RABGAP1L: variants seen among roughly 807,000 people sequenced by gnomAD.
The protein encoded by RABGAP1L is RAB GTPase activating protein 1 like.
RABGAP1L carries 63 observed loss-of-function variants against 137.7 expected under a neutral mutation model. The observed-to-expected ratio is 0.46, with a 90% CI of 0.37 to 0.56. RABGAP1L has a LOEUF of 0.56. Among genes scored for constraint, RABGAP1L ranks in the 20% least tolerant of loss-of-function variants. The pLI is 0.00. For missense variants in RABGAP1L, 1,095 were observed against 1,244.0 expected (o/e 0.88, Z 1.80); for synonymous variants, 431 against 433.7 (o/e 0.99, Z 0.08).
intron 19 of RABGAP1L, among the ~76,000 whole-genome samples, chr1:174,910,650 C>T (rs1400021692): frequency 2.0e-5 from 3 of 152,156 alleles, no homozygotes; most frequent in African/African-American, 7.2e-5. Flanking sequence ...TGATCTTACT[C>T]ATAGAAAAAC....
chr1:174,535,495 A>G (rs1366379891), intron 13 of RABGAP1L, among the ~76,000 whole-genome samples: 1 of 152,198 alleles, frequency 6.6e-6, no homozygotes, highest in African/African-American at 2.4e-5. Context: ...GTTACTATTA[A>G]GAGAGGATCC....
chr1:174,232,579 C>A (rs539741014), intron 4 of RABGAP1L, among the ~76,000 whole-genome samples: 1 of 151,576 alleles, frequency 6.6e-6, no homozygotes, highest in Admixed American at 6.6e-5. Flanking sequence ...GTCAGGAGAT[C>A]GAGACCATCC....
intron 17 of RABGAP1L, among the ~76,000 whole-genome samples, chr1:174,717,426 A>G (rs1185259357): frequency 1.3e-5 from 2 of 152,200 alleles, no homozygotes; most frequent in Non-Finnish European, 2.9e-5. Context: ...AAACAAATGT[A>G]TGACTGTAAA....
Position 174,183,042 on chromosome 1 carries a change from C to G in RABGAP1L, c.-34+23385C>G, listed in dbSNP as rs144665270. On this transcript the variant is annotated intron_variant, in intron 1 of 25. Coordinates refer to ENST00000681986, the MANE Select transcript of RABGAP1L (RefSeq NM_001366446.1). ...TTTCATAACAGCATGCATAATAACACTGAGTTATAATAGTTCCCTTATTAT... is the reference window on the plus strand; with the variant it reads ...TTTCATAACAGCATGCATAATAACAGTGAGTTATAATAGTTCCCTTATTAT... Among the ~76,000 whole-genome samples, 431 of 152,300 alleles carry G rather than the reference C, an allele frequency of 2.8e-3. 5 individuals carry two copies. The highest frequency in any genetic ancestry group is 9.9e-3 in the African/African-American group (413 of 41,566).
intron 1 of RABGAP1L, among the ~76,000 whole-genome samples, chr1:174,215,961 C>G (rs1375278686): frequency 6.6e-6 from 1 of 152,106 alleles, no homozygotes; most frequent in African/African-American, 2.4e-5. Flanking sequence ...ACTATTCAGC[C>G]ATAAAGAAGA....
intron 13 of RABGAP1L, among the ~76,000 whole-genome samples, chr1:174,400,840 A>C (rs537586341): frequency 2.0e-4 from 30 of 152,268 alleles, no homozygotes; most frequent in African/African-American, 7.2e-4. Context: ...ATAGACAGTA[A>C]TATTGAACAT....
chr1:174,540,977 T>A (rs1028318306), intron 13 of RABGAP1L, among the ~76,000 whole-genome samples: 1 of 152,186 alleles, frequency 6.6e-6, no homozygotes, highest in African/African-American at 2.4e-5. Flanking sequence ...TATTGAGCAG[T>A]GGTTTGTAGT....
intron 13 of RABGAP1L, among the ~76,000 whole-genome samples, chr1:174,445,493 G>A (rs546417430): frequency 6.6e-6 from 1 of 152,140 alleles, no homozygotes; most frequent in South Asian, 2.1e-4. Flanking sequence ...GCTCTGAATA[G>A]ATTTTGGTAC....
chr1:174,965,129 G>A (rs1218124919), intron 20 of RABGAP1L: 54 of 594,622 alleles, frequency 9.1e-5, no homozygotes, highest in Non-Finnish European at 2.9e-6. Flanking sequence ...TATGAGGACA[G>A]TTGTTATCTG....
intron 19 of RABGAP1L, among the ~76,000 whole-genome samples, chr1:174,813,430 C>G (rs1690076823): frequency 6.6e-6 from 1 of 152,166 alleles, no homozygotes; most frequent in South Asian, 2.1e-4. Flanking sequence ...AAGCATATTA[C>G]TTAAAAGGTA....
At chr1:174,466,773 C>T (rs999365042) in intron 13 of RABGAP1L, among the ~76,000 whole-genome samples, 2 of 152,232 alleles carry the variant, frequency 1.3e-5, no homozygotes, top group East Asian at 1.9e-4. Flanking sequence ...GGCGAGAGAG[C>T]GAGACTTTAT....
intron 7 of RABGAP1L, among the ~76,000 whole-genome samples, chr1:174,262,630 G>A (rs2148633187): frequency 6.6e-6 from 1 of 152,268 alleles, no homozygotes; most frequent in South Asian, 2.1e-4. Context: ...AGCTCTTTTT[G>A]AATCCTTTTA....
At chr1:174,450,929 T>C (rs946735504) in intron 13 of RABGAP1L, among the ~76,000 whole-genome samples, 1 of 152,190 alleles carries the variant, frequency 6.6e-6, no homozygotes. Context: ...CAAAGGTCTT[T>C]TAGTAGAAAT....
At chr1:174,614,933 T>C (rs1460444218) in intron 13 of RABGAP1L, among the ~76,000 whole-genome samples, 1 of 152,236 alleles carries the variant, frequency 6.6e-6, no homozygotes, top group Non-Finnish European at 1.5e-5. Context: ...CTCCATCAGC[T>C]CCTTTAAGCA....
At chr1:174,536,398 T>C (rs1344093952) in intron 13 of RABGAP1L, among the ~76,000 whole-genome samples, 1 of 151,658 alleles carries the variant, frequency 6.6e-6, no homozygotes, top group Non-Finnish European at 1.5e-5. Flanking sequence ...GGTTGGGAGA[T>C]TGAGAGAGGG....
chr1:174,321,084 A>G (rs1571205949), intron 11 of RABGAP1L, among the ~76,000 whole-genome samples: 1 of 152,108 alleles, frequency 6.6e-6, no homozygotes, highest in African/African-American at 2.4e-5. Context: ...CTGCTCTAGG[A>G]ATGTCTGAAT....
chr1:174,743,154 C>G (rs1231217430), intron 17 of RABGAP1L, among the ~76,000 whole-genome samples: 1 of 152,120 alleles, frequency 6.6e-6, no homozygotes, highest in Non-Finnish European at 1.5e-5. Flanking sequence ...TCAAATCCAT[C>G]TCCCTGACAA....
intron 19 of RABGAP1L, among the ~76,000 whole-genome samples, chr1:174,869,920 A>G (rs1326616912): frequency 6.6e-6 from 1 of 152,054 alleles, no homozygotes; most frequent in Non-Finnish European, 1.5e-5. Flanking sequence ...CATCTTCCAC[A>G]CTCCAGAAAT....
rs545269040 is a variant in RABGAP1L, at chr1:174,316,911, C to T, written c.1465+11784C>T. On this transcript the variant is annotated intron_variant, in intron 11 of 25. Transcript: ENST00000681986. ...ACTTTCCAAAGGCAGAGGAACCTCACCCCATAACTACCACCCACCCAGGCT... is the reference window on the plus strand; with the variant it reads ...ACTTTCCAAAGGCAGAGGAACCTCATCCCATAACTACCACCCACCCAGGCT... 3.3e-5 allele frequency among the ~76,000 whole-genome samples: 5 copies of T among 152,250 alleles called. No individual in the cohort carries two copies. The East Asian group carries it at 9.7e-4, about 29-fold the overall frequency.
Sources: gnomAD v4.1 joint callset for allele counts (sites outside exome capture counted in the v4.1 genomes callset) on GRCh38, gnomAD v4.1.1 for gene constraint, MANE v1.5 for transcripts, NCBI Gene and HGNC (gene_info 2026-07-23, HGNC 2026-07-21) for gene names.